Variants in WWP2 observed in about 807,000 individuals in gnomAD.
WWP2 encodes WW domain containing E3 ubiquitin protein ligase 2.
WWP2 carries 57 observed loss-of-function variants against 121.0 expected under a neutral mutation model. The ratio of observed to expected loss-of-function variants is 0.47; its 90% CI spans 0.38 to 0.59. The LOEUF is 0.59. Among genes scored for constraint, WWP2 ranks in the 20% least tolerant of loss-of-function variants. WWP2 has a pLI of 0.00. For synonymous variants in WWP2, 449 were observed against 441.3 expected (o/e 1.02, Z -0.22); for missense variants, 962 against 1,158.9 (o/e 0.83, Z 2.47).
intron 4 of WWP2, among the ~76,000 whole-genome samples, chr16:69,819,106 CT>C (rs1055509922): frequency 3.3e-5 from 5 of 152,140 alleles, no homozygotes; most frequent in African/African-American, 1.2e-4. Flanking sequence ...TCTGCATTGC[CT>C]TTAGGATATA....
At chr16:69,873,598 A>G (rs1040074862) in intron 7 of WWP2, among the ~76,000 whole-genome samples, 2 of 152,232 alleles carry the variant, frequency 1.3e-5, no homozygotes, top group Non-Finnish European at 2.9e-5. Flanking sequence ...TGAAGGAGAC[A>G]GCAAAGTGAT....
intron 8 of WWP2, among the ~76,000 whole-genome samples, chr16:69,907,533 A>G (rs2058312847): frequency 6.6e-6 from 1 of 152,222 alleles, no homozygotes; most frequent in African/African-American, 2.4e-5. Flanking sequence ...CACCATTAAT[A>G]TCCTTGAGAA....
intron 16 of WWP2, among the ~76,000 whole-genome samples, chr16:69,932,692 C>T (rs1267271924): frequency 1.3e-5 from 2 of 152,224 alleles, no homozygotes; most frequent in South Asian, 2.1e-4. Context: ...GGGCCTTGAG[C>T]AGGGCTCAAC....
rs150956103 is a variant in WWP2, at chr16:69,874,687, G to C, written c.703+2756G>C. On this transcript the variant is annotated intron_variant, in intron 7 of 23. Transcript: ENST00000359154. ...GAGACTTGTATGGGATGATTTACTT[G>C]CTAATTCTTTATTGAAGACTTTACC... 6.2e-3 allele frequency among the ~76,000 whole-genome samples: 944 copies of C among 152,206 alleles called. 9 individuals carry two copies. Among genetic ancestry groups the C allele is most frequent in the African/African-American group, 0.021 (889 of 41,530 alleles).
At chr16:69,813,621 A>T (rs112324488) in intron 4 of WWP2, among the ~76,000 whole-genome samples, 10,645 of 152,024 alleles carry the variant, frequency 0.07, 1,186 homozygotes, top group African/African-American at 0.23. Context: ...TGCTGGCTAA[A>T]TTTTTTATTT....
chr16:69,929,751 C>G (rs2058686631), intron 12 of WWP2, among the ~76,000 whole-genome samples: 1 of 152,202 alleles, frequency 6.6e-6, no homozygotes. Flanking sequence ...TGGAGGGCGG[C>G]CCGGCTGGCG....
intron 6 of WWP2, among the ~76,000 whole-genome samples, chr16:69,867,622 G>T (rs978943212): frequency 6.6e-6 from 1 of 152,182 alleles, no homozygotes; most frequent in African/African-American, 2.4e-5. Context: ...TTTGGGGAGC[G>T]TGGGTCCTGG....
chr16:69,813,495 T>A (rs1187154751), intron 4 of WWP2, among the ~76,000 whole-genome samples: 2 of 152,170 alleles, frequency 1.3e-5, no homozygotes, highest in Non-Finnish European at 2.9e-5. Context: ...GTTTGTTTAT[T>A]TTAGATAGAG....
intron 4 of WWP2, among the ~76,000 whole-genome samples, chr16:69,823,140 A>G (rs12927052): frequency 0.36 from 54,484 of 151,818 alleles, 10,428 homozygotes; most frequent in Non-Finnish European, 0.43. Flanking sequence ...CAAAAAAGAA[A>G]AAAGTAAAAA....
Position 69,842,726 on chromosome 16 carries a change from A to G in WWP2, c.575+606A>G, listed in dbSNP as rs150854200. On this transcript the variant is annotated intron_variant, in intron 6 of 23. Transcript: ENST00000359154. ...GCTTTGTTGCCTACGCTGGAGTGCT[A>G]TGGCACCATCACAGCTCATAGCAGC... is the stretch of plus-strand genomic sequence containing the variant. Among the ~76,000 whole-genome samples the G allele has an allele frequency of 5.0e-3, 756 of 152,106 alleles. 9 individuals carry two copies. The highest frequency in any genetic ancestry group is 0.017 in the African/African-American group (711 of 41,492).
In WWP2 at chr16:69,800,429, G is replaced by T. The variant is rs562514552; in HGVS notation, c.340+1134G>T. 2.6e-5 allele frequency among the ~76,000 whole-genome samples: 4 copies of T among 152,186 alleles called. No individual in the cohort carries two copies. The South Asian group carries it at 8.3e-4, about 32-fold the overall frequency. On this transcript the variant is annotated intron_variant, in intron 4 of 23. Transcript: ENST00000359154. ...ATTAGGATGCAGCAACCAGCATGAG[G>T]GTCCTTTTTTCCTCTTCATTTGCCC...
intron 4 of WWP2, among the ~76,000 whole-genome samples, chr16:69,832,039 G>A (rs1275890304): frequency 6.6e-6 from 1 of 152,068 alleles, no homozygotes; most frequent in East Asian, 1.9e-4. Flanking sequence ...ATGTTGCCCA[G>A]GCGGGTCTCG....
chr16:69,862,524 T>C (rs2057441087), intron 6 of WWP2, among the ~76,000 whole-genome samples: 1 of 151,808 alleles, frequency 6.6e-6, no homozygotes, highest in Non-Finnish European at 1.5e-5. Flanking sequence ...GTGCTGGGAT[T>C]ACAGGCATGA....
intron 4 of WWP2, among the ~76,000 whole-genome samples, chr16:69,829,348 C>G (rs1048069384): frequency 6.6e-6 from 1 of 152,150 alleles, no homozygotes; most frequent in Non-Finnish European, 1.5e-5. Flanking sequence ...GTTAAAAAAC[C>G]CTTTAGCACT....
intron 6 of WWP2, among the ~76,000 whole-genome samples, chr16:69,870,629 C>G (rs2057617653): frequency 6.6e-6 from 1 of 152,134 alleles, no homozygotes. Context: ...AGTTTTATCG[C>G]CCCATGTTGC....
In WWP2 at chr16:69,795,649, GTTTTTTTTTT is replaced by G. The variant is rs386384998; in HGVS notation, c.71-3016_71-3007del. On this transcript the variant is annotated intron_variant, in intron 2 of 23. Coordinates refer to ENST00000359154, the MANE Select transcript of WWP2 (RefSeq NM_001270454.2). ...TAGATTGGAAACTTAAAAATAGGAG[GTTTTTTTTTT>G]TTTTTTTTTTTTTTTTGTGAGAGTC... is the stretch of plus-strand genomic sequence containing the variant. Among the ~76,000 whole-genome samples, 161 of 66,958 alleles carry G rather than the reference GTTTTTTTTTT, an allele frequency of 2.4e-3. No individual in the cohort carries two copies. In the Admixed American group the frequency reaches 0.03, roughly 12 times the overall value. 43.9% of individuals were successfully genotyped at this position (66,958 alleles called of 152,430 possible).
chr16:69,806,965 C>T (rs1338674887), intron 4 of WWP2, among the ~76,000 whole-genome samples: 6 of 137,870 alleles, frequency 4.4e-5, no homozygotes, highest in Admixed American at 1.4e-4. Flanking sequence ...TTCATTCATT[C>T]ATTCATTCAT....
rs371214769 is a variant in WWP2, at chr16:69,936,383, C to T, written c.2048C>T (p.Thr683Met). 43 of 1,613,894 alleles carry T rather than the reference C, an allele frequency of 2.7e-5. No homozygotes were observed. The highest frequency in any genetic ancestry group is 3.4e-5 in the Non-Finnish European group (40 of 1,180,016). ...GACATGGAGATACTGGGCAAGGTGACGACCCACGAGCTGAAGGAGGGCGGC... is the reference window on the plus strand; with the variant it reads ...GACATGGAGATACTGGGCAAGGTGATGACCCACGAGCTGAAGGAGGGCGGC... The part of the protein sequence containing the change: ...IQDMEILGKV[T>M]THELKEGGES... Residue 683 changes from threonine to methionine, a missense_variant, in exon 19 of 24, where the codon ACG becomes ATG. Thr to Met is a moderately conservative substitution (Grantham distance 81, BLOSUM62 -1). This residue lies in a region of WWP2 where 606 missense variants were observed against 772.6 expected (regional missense o/e 0.78). Transcript: ENST00000359154.
rs2058633997 is a variant in WWP2, at chr16:69,925,954, A to G, written c.1234+470A>G. ...ACTTTGGTCTAATTTTGACTAATAG[A>G]AGCCACCTTTTTATTTCTGACATAG... On this transcript the variant is annotated intron_variant, in intron 11 of 23. Transcript: ENST00000359154. The surrounding 1 kb of genome is among the most constrained non-coding windows in gnomAD (Gnocchi z 4.0). 1 of 154,438 alleles carries G rather than the reference A, an allele frequency of 6.5e-6. No individual in the cohort carries two copies. The highest frequency in any genetic ancestry group is 2.4e-5 in the African/African-American group (1 of 41,546). The allele number at this position is 154,438 out of a possible 1,614,324, so 9.6% of individuals were successfully genotyped here.
Sources: gnomAD v4.1 joint callset for allele counts (sites outside exome capture counted in the v4.1 genomes callset) on GRCh38, gnomAD v4.1.1 for gene constraint, gnomAD v4.1.1 regional missense constraint, Gnocchi (gnomAD v3.1) non-coding constraint, MANE v1.5 for transcripts, NCBI Gene and HGNC (gene_info 2026-07-23, HGNC 2026-07-21) for gene names.